The following GABRB3 variants were observed in gnomAD, a reference collection of about 807,000 sequenced individuals.
GABRB3 encodes the protein gamma-aminobutyric acid type A receptor subunit beta3.
GABRB3 carries 14 observed loss-of-function variants against 52.1 expected under a neutral mutation model. The ratio of observed to expected loss-of-function variants is 0.27; its 90% CI spans 0.18 to 0.42. The LOEUF (loss-of-function observed/expected upper bound fraction) is 0.42. Ranked by LOEUF, GABRB3 falls within the 10% of genes least tolerant of loss-of-function variation. The pLI is 1.00. For synonymous variants in GABRB3, 260 were observed against 232.3 expected, an observed-to-expected ratio of 1.12 and a Z score of -1.08; for missense variants, 307 against 609.1, an observed-to-expected ratio of 0.50 and a Z score of 5.22.
intron 3 of GABRB3, among the ~76,000 whole-genome samples, chr15:26,709,198 T>C (rs998480259): frequency 6.6e-6 from 1 of 152,204 alleles, no homozygotes; most frequent in Non-Finnish European, 1.5e-5. Flanking sequence ...AAATCTTATG[T>C]TGAACTTTGA....
chr15:26,620,938 T>C (rs1239668005), intron 4 of GABRB3, among the ~76,000 whole-genome samples: 1 of 152,208 alleles, frequency 6.6e-6, no homozygotes, highest in African/African-American at 2.4e-5. Flanking sequence ...CATTTTTTTT[T>C]CAACTGTGCA....
chr15:26,687,458 A>C (rs1191008150), intron 3 of GABRB3, among the ~76,000 whole-genome samples: 1 of 152,098 alleles, frequency 6.6e-6, no homozygotes, highest in African/African-American at 2.4e-5. Flanking sequence ...GCGTGACCTG[A>C]CACATCTCGA....
intron 8 of GABRB3, among the ~76,000 whole-genome samples, chr15:26,551,567 A>G (rs1595431613): frequency 6.6e-6 from 1 of 152,056 alleles, no homozygotes; most frequent in South Asian, 2.1e-4. Flanking sequence ...CTCCAATCCC[A>G]CCCCGGCCCA....
At chr15:26,571,774 A>C (rs1034569646) in intron 6 of GABRB3, among the ~76,000 whole-genome samples, 23 of 152,204 alleles carry the variant, frequency 1.5e-4, no homozygotes, top group Admixed American at 3.3e-4. Flanking sequence ...TTGTTTAGCA[A>C]ATACATTCTA....
chr15:26,641,194 A>G (rs921494240), intron 3 of GABRB3, among the ~76,000 whole-genome samples: 5 of 152,188 alleles, frequency 3.3e-5, no homozygotes, highest in Non-Finnish European at 2.9e-5. Flanking sequence ...GCCCATTATC[A>G]AATATACCTT....
At chr15:26,762,390 T>A (rs1030808143) in intron 3 of GABRB3, among the ~76,000 whole-genome samples, 8 of 152,192 alleles carry the variant, frequency 5.3e-5, no homozygotes, top group African/African-American at 1.9e-4. Context: ...GCTAATACAG[T>A]ACTCTTCTCT....
intron 4 of GABRB3, chr15:26,611,945 CTTTA>C (rs1193752074): frequency 6.6e-6 from 1 of 152,134 alleles, no homozygotes; most frequent in Non-Finnish European, 1.5e-5. Flanking sequence ...GTTCGCATTC[CTTTA>C]TTTCACACTG....
At chr15:26,629,687 C>G (rs1007787385) in intron 3 of GABRB3, among the ~76,000 whole-genome samples, 1 of 152,112 alleles carries the variant, frequency 6.6e-6, no homozygotes, top group Non-Finnish European at 1.5e-5. Context: ...CTCTTCAGCC[C>G]TGGTGCAGCT....
intron 3 of GABRB3, among the ~76,000 whole-genome samples, chr15:26,683,472 C>T (rs1039578693): frequency 6.6e-6 from 1 of 152,096 alleles, no homozygotes; most frequent in Non-Finnish European, 1.5e-5. Context: ...TAGTCCAGTT[C>T]CTGATATAAG....
chr15:26,633,589 T>A (rs987456246), intron 3 of GABRB3, among the ~76,000 whole-genome samples: 1 of 152,142 alleles, frequency 6.6e-6, no homozygotes, highest in Non-Finnish European at 1.5e-5. Flanking sequence ...AGGACTTAAC[T>A]TGTGCAAGCT....
chr15:26,667,063 C>A (rs1887737377), intron 3 of GABRB3, among the ~76,000 whole-genome samples: 1 of 152,202 alleles, frequency 6.6e-6, no homozygotes, highest in South Asian at 2.1e-4. Flanking sequence ...AATAACAGGA[C>A]ATGGATTGAT....
chr15:26,631,896 C>G (rs1216868366), intron 3 of GABRB3, among the ~76,000 whole-genome samples: 1 of 152,122 alleles, frequency 6.6e-6, no homozygotes, highest in Non-Finnish European at 1.5e-5. Flanking sequence ...GATTATCTAC[C>G]ATAGGCCAAG....
chr15:26,628,960 G>A (rs182103829), intron 3 of GABRB3: 1 of 1,535,822 alleles, frequency 6.5e-7, no homozygotes, highest in Non-Finnish European at 8.7e-7. Context: ...CCGAGAGCCC[G>A]CGTCCCCGAC....
intron 3 of GABRB3, among the ~76,000 whole-genome samples, chr15:26,674,735 G>A (rs1201610789): frequency 1.3e-5 from 2 of 152,156 alleles, no homozygotes; most frequent in East Asian, 1.9e-4. Context: ...GTGCCCAAAC[G>A]AGACCTGAAA....
chr15:26,657,445 G>A (rs937964100), intron 3 of GABRB3: 1 of 152,172 alleles, frequency 6.6e-6, no homozygotes, highest in Non-Finnish European at 1.5e-5. Flanking sequence ...ACAGAGACCT[G>A]TACGGTCTAA....
rs375996422 is a variant in GABRB3 at position 26,746,474 on chromosome 15, T to C, written c.240+25928A>G. Among the ~76,000 whole-genome samples the C allele has an allele frequency of 5.9e-5, 9 of 152,302 alleles. No individual in the cohort carries two copies. In the South Asian group the frequency reaches 1.2e-3, roughly 21 times the overall value. On this transcript the variant is annotated intron_variant, in intron 3 of 8. Transcript: ENST00000311550. ...GTCTACCAATTTTTCCTTTTATGAATCATGCTTTTGGTGTTAAATTTAAGA... is the reference window on the plus strand; with the variant it reads ...GTCTACCAATTTTTCCTTTTATGAACCATGCTTTTGGTGTTAAATTTAAGA...
chr15:26,773,120 C>T, upstream of GABRB3: 1 of 691,218 alleles, frequency 1.4e-6, no homozygotes, highest in Non-Finnish European at 1.8e-6. Context: ...GGAGCGGGCG[C>T]TGGGAGAGGA....
At chr15:26,763,062 T>A (rs529754482) in intron 3 of GABRB3, among the ~76,000 whole-genome samples, 9 of 152,334 alleles carry the variant, frequency 5.9e-5, no homozygotes, top group Non-Finnish European at 1.2e-4. Context: ...CTAGGATGCA[T>A]ACTGCCTTGG....
At chr15:26,618,648 A>G (rs1892357324) in intron 4 of GABRB3, among the ~76,000 whole-genome samples, 1 of 152,252 alleles carries the variant, frequency 6.6e-6, no homozygotes. Flanking sequence ...AATGGCAACA[A>G]CAGCCAAAAT....
Sources: gnomAD v4.1 joint callset for allele counts (sites outside exome capture counted in the v4.1 genomes callset) on GRCh38, gnomAD v4.1.1 for gene constraint, MANE v1.5 for transcripts, NCBI Gene and HGNC (gene_info 2026-07-23, HGNC 2026-07-21) for gene names.